The following EPHA5 variants were observed in gnomAD, a reference collection of about 807,000 sequenced individuals.
EPHA5 encodes ephrin type-A receptor 5.
EPHA5 carries 60 observed loss-of-function variants against 105.0 expected under a neutral mutation model. That is an observed-to-expected ratio of 0.57 (90% CI 0.46 to 0.71). The LOEUF is 0.71. Among genes scored for constraint, EPHA5 ranks in the 30% least tolerant of loss-of-function variants. EPHA5 has a pLI of 0.00. For synonymous variants in EPHA5, 513 were observed against 449.1 expected, an observed-to-expected ratio of 1.14 and a Z score of -1.80; for missense variants, 1,218 against 1,274.7, an observed-to-expected ratio of 0.96 and a Z score of 0.68.
At chr4:65,436,739 G>A (rs1423849230) in intron 5 of EPHA5, among the ~76,000 whole-genome samples, 1 of 151,884 alleles carries the variant, frequency 6.6e-6, no homozygotes, top group Non-Finnish European at 1.5e-5. Context: ...TTACCAGAAC[G>A]ATAACTAACT....
chr4:65,336,554 A>G (rs1721205639), intron 14 of EPHA5, among the ~76,000 whole-genome samples: 1 of 152,134 alleles, frequency 6.6e-6, no homozygotes, highest in South Asian at 2.1e-4. Context: ...TTTTAAAGTA[A>G]TAGAACTGTA....
At chr4:65,652,844 C>T (rs1420207700) in intron 1 of EPHA5, among the ~76,000 whole-genome samples, 1 of 152,004 alleles carries the variant, frequency 6.6e-6, no homozygotes, top group African/African-American at 2.4e-5. Context: ...AAATAAGTTA[C>T]AAGATTCCAG....
chr4:65,430,629 G>A (rs868215805), intron 5 of EPHA5, among the ~76,000 whole-genome samples: 5 of 151,796 alleles, frequency 3.3e-5, no homozygotes, highest in South Asian at 2.1e-4. Context: ...AACTATTATC[G>A]TCCCTTTTTG....
chr4:65,573,245 A>C (rs1740398917), intron 3 of EPHA5, among the ~76,000 whole-genome samples: 1 of 151,122 alleles, frequency 6.6e-6, no homozygotes. Flanking sequence ...CCCCGTCTCT[A>C]CTAAAAACAC....
rs550015669 is a variant in EPHA5 at position 65,496,428 on chromosome 4, G to A, written c.911-885C>T. ...CAGAGTGTGATATTCCCCTTCCTGT[G>A]TCCATGTGATCTCATTGTTCAATTC... On this transcript the variant is annotated intron_variant, in intron 3 of 16. Transcript: ENST00000613740. Among the ~76,000 whole-genome samples the A allele has an allele frequency of 9.3e-5, 13 of 139,386 alleles. No homozygotes were observed. In the South Asian group the frequency reaches 3.0e-3, roughly 32 times the overall value. The allele number at this position is 139,386 out of a possible 152,430, so 91.4% of individuals were successfully genotyped here.
rs1262598143 is a variant in EPHA5 at position 65,601,996 on chromosome 4, T to A, written c.555A>T (p.Glu185Asp). ...DTIAADESFTELDLGDRVMKL... is the reference protein window; with the variant it reads ...DTIAADESFTDLDLGDRVMKL... ...TCATAACACGGTCACCAAGATCAAG[T>A]TCTGTAAAGCTTTCATCGGCAGCAA... is the stretch of plus-strand genomic sequence containing the variant. Residue 185 changes from glutamate (E) to aspartate (D), a missense_variant, in exon 3 of 17, where the codon GAA (glutamate) becomes GAT (aspartate). Glu to Asp is a conservative substitution (Grantham distance 45, BLOSUM62 2). Transcript: ENST00000613740. 1 of 1,614,016 alleles carries A rather than the reference T, an allele frequency of 6.2e-7. No homozygotes were observed. Among genetic ancestry groups the A allele is most frequent in the Non-Finnish European group, 8.5e-7 (1 of 1,180,024 alleles).
At chr4:65,342,015 C>T (rs930025910) in intron 14 of EPHA5, among the ~76,000 whole-genome samples, 2 of 151,788 alleles carry the variant, frequency 1.3e-5, no homozygotes, top group East Asian at 3.9e-4. Flanking sequence ...ATGTTTTTTT[C>T]TTAGTGCATC....
intron 6 of EPHA5, among the ~76,000 whole-genome samples, chr4:65,419,247 A>C (rs1405322532): frequency 6.7e-6 from 1 of 149,758 alleles, no homozygotes; most frequent in East Asian, 2.0e-4. Context: ...AGTAATTTTC[A>C]TTAATAGGAC....
At chr4:65,562,682 G>A (rs1417864509) in intron 3 of EPHA5, among the ~76,000 whole-genome samples, 3 of 151,952 alleles carry the variant, frequency 2.0e-5, no homozygotes, top group African/African-American at 4.8e-5. Flanking sequence ...TTTCTATTAC[G>A]TTACAATTCT....
intron 5 of EPHA5, among the ~76,000 whole-genome samples, chr4:65,431,124 A>C (rs945198627): frequency 2.0e-5 from 3 of 152,150 alleles, no homozygotes; most frequent in Non-Finnish European, 4.4e-5. Context: ...AAATAAGCCA[A>C]GATAAATCCT....
chr4:65,402,540 A>C (rs1056786995), intron 8 of EPHA5, among the ~76,000 whole-genome samples: 3 of 152,244 alleles, frequency 2.0e-5, no homozygotes, highest in African/African-American at 7.2e-5. Context: ...TTCCTTAATA[A>C]ATTTTCAAAA....
At chr4:65,537,884 A>C (rs1736440138) in intron 3 of EPHA5, among the ~76,000 whole-genome samples, 1 of 151,814 alleles carries the variant, frequency 6.6e-6, no homozygotes. Flanking sequence ...TAATCATCAC[A>C]AAAATTATTT....
At chr4:65,357,910 T>G (rs1723458027) in intron 11 of EPHA5, among the ~76,000 whole-genome samples, 1 of 151,352 alleles carries the variant, frequency 6.6e-6, no homozygotes, top group African/African-American at 2.4e-5. Context: ...ATCACAAATC[T>G]CCAAAAGAGA....
rs1183049916 is a variant in EPHA5, at chr4:65,322,357, A to G, written c.*1757T>C. ...ATATTCAAATAAAACAAGTGCTTGGAAAAAAGAATACCATTAATATAACGT... is the reference window on the plus strand; with the variant it reads ...ATATTCAAATAAAACAAGTGCTTGGGAAAAAGAATACCATTAATATAACGT... On this transcript the variant is annotated 3_prime_UTR_variant, in exon 17 of 17. Transcript: ENST00000613740. 1 of 224,054 alleles carries G rather than the reference A, an allele frequency of 4.5e-6. No homozygotes were observed. The highest frequency in any genetic ancestry group is 6.4e-5 in the East Asian group (1 of 15,616). 13.9% of individuals were successfully genotyped at this position (224,054 alleles called of 1,614,324 possible).
At chr4:65,515,513 T>A (rs1734024352) in intron 3 of EPHA5, among the ~76,000 whole-genome samples, 3 of 152,198 alleles carry the variant, frequency 2.0e-5, no homozygotes, top group Admixed American at 2.0e-4. Flanking sequence ...CTCAACAATA[T>A]TCTGTAGTTT....
chr4:65,558,306 T>C (rs1738665080), intron 3 of EPHA5, among the ~76,000 whole-genome samples: 1 of 152,202 alleles, frequency 6.6e-6, no homozygotes, highest in Non-Finnish European at 1.5e-5. Flanking sequence ...TCAAGTTACA[T>C]TTAATGTATA....
chr4:65,650,491 C>T lies in EPHA5; in HGVS notation c.182-7064G>A, dbSNP rs1023124682. Among the ~76,000 whole-genome samples, 9 of 146,710 alleles carry T rather than the reference C, an allele frequency of 6.1e-5. No individual in the cohort carries two copies. In the East Asian group the frequency reaches 1.4e-3, roughly 23 times the overall value. On this transcript the variant is annotated intron_variant, in intron 1 of 16. Transcript: ENST00000613740. ...AGGAGAATGGCGTGAACTTAGGAGG[C>T]GGAGCTTGCAGTGAGCCGAGATCGC...
At chr4:65,510,564 T>C (rs1275253622) in intron 3 of EPHA5, among the ~76,000 whole-genome samples, 1 of 152,134 alleles carries the variant, frequency 6.6e-6, no homozygotes, top group East Asian at 1.9e-4. Context: ...AGCACCTCTT[T>C]TGTGGAATTT....
intron 14 of EPHA5, among the ~76,000 whole-genome samples, chr4:65,341,462 T>C (rs1360992770): frequency 6.6e-6 from 1 of 151,920 alleles, no homozygotes; most frequent in African/African-American, 2.4e-5. Flanking sequence ...GAGATATGAA[T>C]GTCACCCCAT....
Sources: gnomAD v4.1 joint callset for allele counts (sites outside exome capture counted in the v4.1 genomes callset) on GRCh38, gnomAD v4.1.1 for gene constraint, MANE v1.5 for transcripts, NCBI Gene and HGNC (gene_info 2026-07-23, HGNC 2026-07-21) for gene names.